Variants in LRMDA observed in about 807,000 individuals in gnomAD.
LRMDA encodes leucine rich melanocyte differentiation associated.
LRMDA carries 18 observed loss-of-function variants against 29.8 expected under a neutral mutation model. That is an observed-to-expected ratio of 0.60 (90% CI 0.42 to 0.90). The LOEUF (loss-of-function observed/expected upper bound fraction) is 0.90. LRMDA is among the 40% of genes least tolerant of loss of function. The probability of loss-of-function intolerance (pLI) is 0.00; values close to 1 mark genes in which losing one functional copy is unlikely to be tolerated. For missense variants in LRMDA, 273 were observed against 273.9 expected, an observed-to-expected ratio of 1.00 and a Z score of 0.02; for synonymous variants, 125 against 109.4, an observed-to-expected ratio of 1.14 and a Z score of -0.89.
intron 2 of LRMDA, among the ~76,000 whole-genome samples, chr10:75,978,200 A>C (rs1199308870): frequency 6.6e-6 from 1 of 152,246 alleles, no homozygotes. Context: ...ACAGTGACTT[A>C]GCATTGTAGA....
At chr10:76,068,662 C>A (rs1399196440) in intron 5 of LRMDA, among the ~76,000 whole-genome samples, 2 of 152,312 alleles carry the variant, frequency 1.3e-5, no homozygotes, top group East Asian at 3.9e-4. Context: ...GACCACAGAC[C>A]AGTACATGTC....
intron 2 of LRMDA, among the ~76,000 whole-genome samples, chr10:75,453,899 A>G (rs760653929): frequency 6.6e-6 from 1 of 152,226 alleles, no homozygotes; most frequent in African/African-American, 2.4e-5. Flanking sequence ...AAGCATAGCA[A>G]ATTTATTTAA....
chr10:76,402,613 A>G (rs1841861115), intron 6 of LRMDA, among the ~76,000 whole-genome samples: 1 of 152,068 alleles, frequency 6.6e-6, no homozygotes, highest in Non-Finnish European at 1.5e-5. Flanking sequence ...CTTGATCACC[A>G]TAAGTGCTGG....
intron 2 of LRMDA, among the ~76,000 whole-genome samples, chr10:75,456,631 A>G (rs1429407824): frequency 6.6e-6 from 1 of 152,220 alleles, no homozygotes; most frequent in East Asian, 1.9e-4. Context: ...ATCAGAAGAC[A>G]CAATCTAACC....
At chr10:75,530,557 C>T (rs1423366334) in intron 2 of LRMDA, among the ~76,000 whole-genome samples, 1 of 152,182 alleles carries the variant, frequency 6.6e-6, no homozygotes, top group East Asian at 1.9e-4. Context: ...CACCCCCATT[C>T]CTCACCCTGG....
At chr10:76,342,087 C>T (rs1034502444) in intron 6 of LRMDA, among the ~76,000 whole-genome samples, 10 of 152,062 alleles carry the variant, frequency 6.6e-5, no homozygotes, top group African/African-American at 2.4e-4. Flanking sequence ...AATATACTGA[C>T]TGGATCACAA....
At chr10:75,650,021 C>T (rs1252265620) in intron 2 of LRMDA, among the ~76,000 whole-genome samples, 1 of 152,112 alleles carries the variant, frequency 6.6e-6, no homozygotes, top group Admixed American at 6.5e-5. Flanking sequence ...GAGTATTAAT[C>T]CCTTATCAGA....
At chr10:76,079,855 C>G (rs1564647327) in intron 5 of LRMDA, among the ~76,000 whole-genome samples, 1 of 152,140 alleles carries the variant, frequency 6.6e-6, no homozygotes, top group Non-Finnish European at 1.5e-5. Context: ...CTGCCTTCAT[C>G]TTGCCAGTCT....
At chr10:75,515,482 C>T (rs1385521311) in intron 2 of LRMDA, among the ~76,000 whole-genome samples, 1 of 152,198 alleles carries the variant, frequency 6.6e-6, no homozygotes, top group African/African-American at 2.4e-5. Context: ...AAGTGCTTCT[C>T]CTGCCTCAGC....
intron 2 of LRMDA, among the ~76,000 whole-genome samples, chr10:75,767,609 C>A (rs1433947575): frequency 1.3e-5 from 2 of 152,090 alleles, no homozygotes; most frequent in Non-Finnish European, 2.9e-5. Context: ...TAAATTATGC[C>A]AGAAAACTTA....
At chr10:75,658,871 A>G (rs1312329068) in intron 2 of LRMDA, among the ~76,000 whole-genome samples, 1 of 152,222 alleles carries the variant, frequency 6.6e-6, no homozygotes. Flanking sequence ...TTTTAAGGCC[A>G]TGTGCCTACC....
chr10:75,760,995 A>T (rs963896473), intron 2 of LRMDA, among the ~76,000 whole-genome samples: 2 of 152,234 alleles, frequency 1.3e-5, no homozygotes. Context: ...AAAATATTCA[A>T]TGAGAATTCA....
At chr10:75,935,071 A>G (rs1311757560) in intron 2 of LRMDA, among the ~76,000 whole-genome samples, 1 of 151,936 alleles carries the variant, frequency 6.6e-6, no homozygotes, top group East Asian at 1.9e-4. Context: ...TCCCAAAGGG[A>G]ACTCACTACA....
At chr10:76,057,584 G>A (rs1301404102) in intron 4 of LRMDA, among the ~76,000 whole-genome samples, 1 of 152,214 alleles carries the variant, frequency 6.6e-6, no homozygotes, top group East Asian at 1.9e-4. Flanking sequence ...GTCCTGGGAA[G>A]GGAGAAAGCA....
chr10:75,818,021 G>A (rs557523662), intron 2 of LRMDA, among the ~76,000 whole-genome samples: 47 of 152,340 alleles, frequency 3.1e-4, no homozygotes, highest in Non-Finnish European at 5.4e-4. Flanking sequence ...GCCTGAGCAT[G>A]ATGGTTCCAT....
chr10:76,489,600 C>A (rs1842813560), intron 6 of LRMDA, among the ~76,000 whole-genome samples: 1 of 151,616 alleles, frequency 6.6e-6, no homozygotes, highest in Non-Finnish European at 1.5e-5. Flanking sequence ...AAGACGCATC[C>A]TTAGGTTATT....
At chr10:76,024,529 A>G (rs1389529333) in intron 2 of LRMDA, among the ~76,000 whole-genome samples, 1 of 152,208 alleles carries the variant, frequency 6.6e-6, no homozygotes, top group Admixed American at 6.5e-5. Flanking sequence ...CTGGAGACAT[A>G]AAGCTATCTT....
intron 2 of LRMDA, among the ~76,000 whole-genome samples, chr10:75,684,896 A>G (rs909924701): frequency 2.0e-5 from 3 of 151,944 alleles, no homozygotes; most frequent in Non-Finnish European, 2.9e-5. Context: ...AAGAGAAAAT[A>G]TTTTCCACTT....
At chr10:75,900,476 T>G (rs1164592225) in intron 2 of LRMDA, among the ~76,000 whole-genome samples, 1 of 152,188 alleles carries the variant, frequency 6.6e-6, no homozygotes, top group East Asian at 1.9e-4. Context: ...ATAGCCTCTT[T>G]AAAATAAATT....
Sources: gnomAD v4.1 joint callset for allele counts (sites outside exome capture counted in the v4.1 genomes callset) on GRCh38, gnomAD v4.1.1 for gene constraint, MANE v1.5 for transcripts, NCBI Gene and HGNC (gene_info 2026-07-23, HGNC 2026-07-21) for gene names.